SLC9A6: variants seen among roughly 807,000 people sequenced by gnomAD.
SLC9A6 encodes sodium/hydrogen exchanger 6.
A neutral mutation model predicts 45.3 loss-of-function variants in SLC9A6; 6 were observed. The observed-to-expected ratio is 0.13, with a 90% CI of 0.07 to 0.26. The LOEUF is 0.26. Among genes scored for constraint, SLC9A6 ranks in the 10% least tolerant of loss-of-function variants. The pLI is 1.00. For synonymous variants in SLC9A6, 191 were observed against 187.7 expected, an observed-to-expected ratio of 1.02 and a Z score of -0.14; for missense variants, 278 against 503.7, an observed-to-expected ratio of 0.55 and a Z score of 4.29.
At chrX:136,026,388 C>T (rs1407490511) in intron 13 of SLC9A6, among the ~76,000 whole-genome samples, 2 of 111,956 alleles carry the variant, frequency 1.8e-5, no homozygotes, top group Non-Finnish European at 3.8e-5. Flanking sequence ...TGTTATAGTA[C>T]CTACCTCCTT....
chrX:136,010,168 G>A (rs3884589), intron 7 of SLC9A6: 2 of 368,337 alleles, frequency 5.4e-6, no homozygotes, highest in African/African-American at 5.2e-5. Flanking sequence ...ACAGTATCTT[G>A]GGGATGGGGG....
At chrX:136,005,446 C>T (rs1157903374) in intron 7 of SLC9A6, among the ~76,000 whole-genome samples, 2 of 112,224 alleles carry the variant, frequency 1.8e-5, no homozygotes, top group East Asian at 2.8e-4. Context: ...TTCGGGAGGC[C>T]GAGGCGGGCG....
At chrX:135,986,515 C>T (rs1358030986) in intron 2 of SLC9A6, among the ~76,000 whole-genome samples, 1 of 111,017 alleles carries the variant, frequency 9.0e-6, no homozygotes, top group Non-Finnish European at 1.9e-5. Context: ...AAAGTGAGGA[C>T]GAGGAAGAGT....
At chrX:135,985,217 C>A (rs2089311399), upstream of SLC9A6, 1 of 250,559 alleles carries the variant, frequency 4.0e-6, no homozygotes, top group South Asian at 2.3e-4. Context: ...GCGCAGTCTG[C>A]CTCTGCTTGG....
intron 6 of SLC9A6, among the ~76,000 whole-genome samples, chrX:136,000,387 C>G (rs781795236): frequency 9.1e-6 from 1 of 110,369 alleles, no homozygotes; most frequent in South Asian, 3.9e-4. Context: ...AAGCTGTCCT[C>G]TCATTGTTTG....
At chrX:136,033,164 C>T in intron 15 of SLC9A6, 1 of 241,322 alleles carries the variant, frequency 4.1e-6, no homozygotes, top group Non-Finnish European at 7.7e-6. Context: ...ACCCGGCCCC[C>T]ACATTGATTT....
At chrX:136,004,265 A>C (rs2089624329) in intron 7 of SLC9A6, among the ~76,000 whole-genome samples, 1 of 107,622 alleles carries the variant, frequency 9.3e-6, no homozygotes, top group Admixed American at 1.0e-4. Flanking sequence ...ATTTTTGTAT[A>C]TTTAGTAAAG....
chrX:135,998,552 T>C lies in SLC9A6; in HGVS notation c.518T>C (p.Val173Ala). The change falls in exon 5 of 18, where the codon GTT (valine) becomes GCT (alanine). Residue 173 changes from valine (V) to alanine (A), a missense_variant. This residue lies in a region of SLC9A6 where 118 missense variants were observed against 209.9 expected (regional missense o/e 0.56). Transcript: ENST00000630721. ...CTTGGAACAGCAATTTCTTGTTTCG[T>C]TATTGGGTAAGTATTTTAAGCTTAA... The part of the protein sequence containing the change: ...AFLGTAISCF[V>A]IGSIMYGCVT... 3 of 1,160,926 alleles carry C rather than the reference T, an allele frequency of 2.6e-6. No homozygotes were observed. Among genetic ancestry groups the C allele is most frequent in the Non-Finnish European group, 3.5e-6 (3 of 855,198 alleles).
Position 135,991,000 on chromosome X carries a change from TTTCTC to T in SLC9A6, c.170-3781_170-3777del, listed in dbSNP as rs782025467. ...GGCAGAACGACTGGATCTACAGGCT[TTTCTC>T]TTCTAGGTTATGTCTGTCAAGTGCA... On this transcript the variant is annotated intron_variant, in intron 2 of 17. Coordinates refer to ENST00000630721, the MANE Select transcript of SLC9A6 (RefSeq NM_001379110.1). 1.8e-3 allele frequency among the ~76,000 whole-genome samples: 201 copies of T among 111,481 alleles called. 3 individuals carry two copies. The highest frequency in any genetic ancestry group is 5.7e-3 in the African/African-American group (175 of 30,715).
chrX:136,010,228 C>CCA, intron 7 of SLC9A6: 1 of 316,111 alleles, frequency 3.2e-6, no homozygotes, highest in African/African-American at 2.7e-5. Flanking sequence ...TGTTCTACCC[C>CCA]CCCCCCGAAA....
At position 136,013,444 on chromosome X, in the gene SLC9A6, G is replaced by A. The variant is rs1184144149; in HGVS notation, c.1080+7G>A. 1.8e-6 allele frequency: 2 copies of A among 1,129,236 alleles called. No homozygotes were observed. Among genetic ancestry groups the A allele is most frequent in the Non-Finnish European group, 2.4e-6 (2 of 823,013 alleles). The allele number at this position is 1,129,236 out of a possible 1,213,427, so 93.1% of individuals were successfully genotyped here. A position where few individuals can be genotyped will look rare whatever the true frequency, so the allele number is the denominator to read the frequency against. On this transcript the variant is annotated splice_region_variant and intron_variant, in intron 10 of 17. Coordinates refer to ENST00000630721, the MANE Select transcript of SLC9A6 (RefSeq NM_001379110.1). ...TCAGCATAGAACTAAACAGGTAAGA[G>A]GAACTTTATAGTTTGTGAATAGGCT...
chrX:136,015,235 T>A (rs1365131313), intron 10 of SLC9A6, among the ~76,000 whole-genome samples: 2 of 112,808 alleles, frequency 1.8e-5, no homozygotes, highest in African/African-American at 6.4e-5. Context: ...ACCAATAAAA[T>A]TTTCTTGGCA....
At position 136,022,523 on chromosome X, in the gene SLC9A6, G is replaced by A. The variant is rs6654309; in HGVS notation, c.1195-63G>A. The A allele has an allele frequency of 0.053, 36,813 of 690,325 alleles. 1,023 individuals carry two copies. Among genetic ancestry groups the A allele is most frequent in the African/African-American group, 0.16 (7,358 of 45,603 alleles). 56.9% of individuals were successfully genotyped at this position (690,325 alleles called of 1,213,427 possible). The stretch of plus-strand genomic sequence containing the variant: ...CTAAAATAGTCTTTCACCATCTTGA[G>A]TGTATAGTCTAAATAATATTAATAG... On this transcript the variant is annotated intron_variant, in intron 11 of 17. Transcript: ENST00000630721.
chrX:136,024,902 A>T (rs2071200511), intron 13 of SLC9A6, among the ~76,000 whole-genome samples: 1 of 111,983 alleles, frequency 8.9e-6, no homozygotes, highest in Non-Finnish European at 1.9e-5. Flanking sequence ...TACCATTACC[A>T]TTTGAGGATT....
upstream of SLC9A6, chrX:135,973,891 C>T (rs1556612933): frequency 8.7e-7 from 1 of 1,146,227 alleles, no homozygotes; most frequent in Non-Finnish European, 1.2e-6. Flanking sequence ...TCCGCGAGAA[C>T]CCACGAACCT....
intron 13 of SLC9A6, among the ~76,000 whole-genome samples, chrX:136,026,163 G>A (rs2071222289): frequency 9.0e-6 from 1 of 111,225 alleles, no homozygotes; most frequent in African/African-American, 3.3e-5. Flanking sequence ...ATTATTCTTG[G>A]CCTCTTCGTG....
rs782419498 is a variant in SLC9A6, at chrX:136,031,422, G to A, written c.1581+1260G>A. 5.3e-5 allele frequency among the ~76,000 whole-genome samples: 6 copies of A among 112,265 alleles called. No individual in the cohort carries two copies. The South Asian group carries it at 1.5e-3, about 28-fold the overall frequency. On this transcript the variant is annotated intron_variant, in intron 15 of 17. Transcript: ENST00000630721. ...ACCTTCAAAACCCTATGGCTGGGCC[G>A]GGCATGGTGGCTCACGCCTGTAATC...
intron 1 of SLC9A6, among the ~76,000 whole-genome samples, chrX:135,978,542 C>G (rs1392964922): frequency 1.8e-5 from 2 of 109,953 alleles, no homozygotes; most frequent in Admixed American, 1.9e-4. Flanking sequence ...ATCCCAGCTA[C>G]TCGGGAGGCT....
chrX:136,044,396 G>A, intron 17 of SLC9A6, 56 bp from the exon 18 acceptor site: 1 of 1,067,740 alleles, frequency 9.4e-7, no homozygotes, highest in Non-Finnish European at 1.3e-6. Context: ...TACTCCTATT[G>A]GAAATGTCTC....
Sources: allele counts gnomAD v4.1 joint callset (sites outside exome capture counted in the v4.1 genomes callset), GRCh38; gene constraint gnomAD v4.1.1; regional missense constraint gnomAD v4.1.1; transcripts MANE v1.5; gene names NCBI Gene and HGNC (gene_info 2026-07-23, HGNC 2026-07-21).